The following ME3 variants were observed in gnomAD, a reference collection of about 807,000 sequenced individuals.
The protein encoded by ME3 is NADP-dependent malic enzyme, mitochondrial.
Under a neutral mutation model 68.9 loss-of-function variants are expected in ME3, and 48 were observed. That is an observed-to-expected ratio of 0.70 (90% CI 0.55 to 0.89). The LOEUF (loss-of-function observed/expected upper bound fraction) is 0.89, where lower values mean the gene tolerates loss of function less well. ME3 is among the 40% of genes least tolerant of loss of function. ME3 has a pLI of 0.00. For missense variants in ME3, 675 were observed against 797.4 expected (o/e 0.85, Z 1.85); for synonymous variants, 320 against 318.8 (o/e 1.00, Z -0.04).
chr11:86,506,297 T>A (rs1953068658), intron 5 of ME3, among the ~76,000 whole-genome samples: 1 of 152,206 alleles, frequency 6.6e-6, no homozygotes, highest in South Asian at 2.1e-4. Flanking sequence ...GCAATTAGCA[T>A]TCAGTATTTA....
At chr11:86,554,222 T>C (rs1956824046) in intron 4 of ME3, among the ~76,000 whole-genome samples, 1 of 152,174 alleles carries the variant, frequency 6.6e-6, no homozygotes, top group Non-Finnish European at 1.5e-5. Flanking sequence ...CTAGTTTCCA[T>C]AAGAGCATAT....
chr11:86,606,871 G>C (rs1463288901), intron 2 of ME3, among the ~76,000 whole-genome samples: 1 of 152,144 alleles, frequency 6.6e-6, no homozygotes, highest in East Asian at 1.9e-4. Flanking sequence ...TAATCCATGT[G>C]TCACCAGGAG....
chr11:86,442,409 C>T (rs1229999533), intron 14 of ME3, among the ~76,000 whole-genome samples: 2 of 152,146 alleles, frequency 1.3e-5, no homozygotes. Context: ...AACTGAGGCT[C>T]AGGGAAGTGA....
chr11:86,507,677 T>C (rs1953186599), intron 5 of ME3, among the ~76,000 whole-genome samples: 1 of 152,196 alleles, frequency 6.6e-6, no homozygotes, highest in Admixed American at 6.5e-5. Context: ...CAAAGTTGCA[T>C]GTTTTATGTA....
At chr11:86,530,213 CAGAG>C (rs1955102100) in intron 4 of ME3, among the ~76,000 whole-genome samples, 3 of 152,038 alleles carry the variant, frequency 2.0e-5, no homozygotes, top group Non-Finnish European at 4.4e-5. Context: ...CAATAACAGA[CAGAG>C]AGCCAAATCA....
intron 2 of ME3, among the ~76,000 whole-genome samples, chr11:86,597,178 A>G (rs991948871): frequency 1.3e-5 from 2 of 152,250 alleles, no homozygotes; most frequent in African/African-American, 4.8e-5. Context: ...ATAAGAACTA[A>G]GGTGCATTGC....
chr11:86,531,961 A>T (rs986515481), intron 4 of ME3, among the ~76,000 whole-genome samples: 39 of 146,710 alleles, frequency 2.7e-4, no homozygotes, highest in African/African-American at 9.4e-4. Flanking sequence ...ATGTACCCTA[A>T]AACTTAAAGT....
At chr11:86,497,232 C>G (rs578125515) in intron 6 of ME3, among the ~76,000 whole-genome samples, 1 of 152,184 alleles carries the variant, frequency 6.6e-6, no homozygotes, top group African/African-American at 2.4e-5. Context: ...GATCCCGCCC[C>G]GATCAGCCTC....
chr11:86,593,689 T>G (rs531306905), intron 2 of ME3, among the ~76,000 whole-genome samples: 2 of 146,788 alleles, frequency 1.4e-5, no homozygotes, highest in Non-Finnish European at 3.0e-5. Context: ...ATTTTCTTCC[T>G]ATCTTTTTTC....
At chr11:86,468,367 A>G (rs922480836) in intron 7 of ME3, among the ~76,000 whole-genome samples, 1 of 151,888 alleles carries the variant, frequency 6.6e-6, no homozygotes, top group Admixed American at 6.6e-5. Flanking sequence ...TCCATTTTCC[A>G]TCCATCCATC....
chr11:86,520,876 C>T (rs1438876908), intron 4 of ME3, among the ~76,000 whole-genome samples: 5 of 152,202 alleles, frequency 3.3e-5, no homozygotes, highest in Non-Finnish European at 7.3e-5. Flanking sequence ...GGGAAAGTTA[C>T]CAGACCTCTC....
chr11:86,496,672 T>G (rs1364883657), intron 6 of ME3, among the ~76,000 whole-genome samples: 1 of 152,088 alleles, frequency 6.6e-6, no homozygotes, highest in Non-Finnish European at 1.5e-5. Context: ...CAGAGCACAA[T>G]TTATATTTTA....
At chr11:86,522,397 G>A (rs941580585) in intron 4 of ME3, among the ~76,000 whole-genome samples, 37 of 147,366 alleles carry the variant, frequency 2.5e-4, no homozygotes, top group African/African-American at 9.4e-4. Flanking sequence ...TAGGATATAT[G>A]TGCAGAATGT....
chr11:86,613,876 G>A (rs1228532801), intron 2 of ME3, among the ~76,000 whole-genome samples: 2 of 152,112 alleles, frequency 1.3e-5, no homozygotes, highest in Non-Finnish European at 2.9e-5. Context: ...TCAATATCGT[G>A]AAAATGGTCA....
At chr11:86,525,718 G>T (rs529939708) in intron 4 of ME3, among the ~76,000 whole-genome samples, 2 of 152,138 alleles carry the variant, frequency 1.3e-5, no homozygotes, top group Admixed American at 6.5e-5. Context: ...AAAATTAGCC[G>T]TGTGTGGTGG....
chr11:86,481,461 C>T (rs1951403169), intron 7 of ME3, among the ~76,000 whole-genome samples: 1 of 152,110 alleles, frequency 6.6e-6, no homozygotes, highest in Non-Finnish European at 1.5e-5. Context: ...GGCATAGGAG[C>T]CTGAAGTCTG....
chr11:86,518,153 T>A (rs1271568122), intron 4 of ME3, among the ~76,000 whole-genome samples: 1 of 152,212 alleles, frequency 6.6e-6, no homozygotes, highest in African/African-American at 2.4e-5. Flanking sequence ...TTTGAAGTTG[T>A]GAAGGCTGTC....
intron 5 of ME3, among the ~76,000 whole-genome samples, chr11:86,505,564 C>A (rs1208610510): frequency 2.4e-5 from 2 of 84,678 alleles, no homozygotes; most frequent in Non-Finnish European, 5.7e-5. Context: ...CTGTGATTCC[C>A]AGGTTAAGGG....
At chr11:86,652,197 C>A (rs896314777) in intron 2 of ME3, among the ~76,000 whole-genome samples, 2 of 152,124 alleles carry the variant, frequency 1.3e-5, no homozygotes, top group African/African-American at 4.8e-5. Flanking sequence ...AGAACTTCCC[C>A]AATCTAGCAA....
Sources: allele counts gnomAD v4.1 joint callset (sites outside exome capture counted in the v4.1 genomes callset), GRCh38; gene constraint gnomAD v4.1.1; transcripts MANE v1.5; gene names NCBI Gene and HGNC (gene_info 2026-07-23, HGNC 2026-07-21).